Variants in DOCK9 observed in about 807,000 individuals in gnomAD.
DOCK9 encodes dedicator of cytokinesis 9.
In DOCK9, 89 loss-of-function variants were observed where a neutral mutation model predicts 263.3. The observed-to-expected ratio is 0.34, with a 90% CI of 0.28 to 0.40. The LOEUF is 0.40. DOCK9 is among the 10% of genes least tolerant of loss of function. The pLI is 1.00. For missense variants in DOCK9, 2,140 were observed against 2,603.4 expected (o/e 0.82, Z 3.87); for synonymous variants, 976 against 973.1 (o/e 1.00, Z -0.06).
chr13:98,891,816 G>GTTT (rs11450748), intron 15 of DOCK9, among the ~76,000 whole-genome samples: 18 of 147,190 alleles, frequency 1.2e-4, no homozygotes, highest in African/African-American at 2.5e-4. Flanking sequence ...TTTAAAAGTT[G>GTTT]TTTTTTTTTT....
At chr13:98,873,818 G>C (rs772181104) in intron 27 of DOCK9, among the ~76,000 whole-genome samples, 3 of 152,184 alleles carry the variant, frequency 2.0e-5, no homozygotes, top group Non-Finnish European at 4.4e-5. Context: ...TCAGGTCTCT[G>C]TCATAGCCAC....
intron 45 of DOCK9, among the ~76,000 whole-genome samples, chr13:98,814,963 A>C (rs200793803): frequency 0.21 from 16,078 of 77,994 alleles, 1,408 homozygotes; most frequent in East Asian, 0.53. Flanking sequence ...AATAAAATAA[A>C]ATAAAATAAA....
chr13:98,911,777 AAAT>A (rs1436981924), intron 9 of DOCK9, among the ~76,000 whole-genome samples: 1 of 151,950 alleles, frequency 6.6e-6, no homozygotes. Flanking sequence ...GGTGCCACCA[AAAT>A]AATAATGACA....
At chr13:99,030,685 C>T (rs1202028585) in intron 1 of DOCK9, among the ~76,000 whole-genome samples, 7 of 152,152 alleles carry the variant, frequency 4.6e-5, no homozygotes, top group Admixed American at 4.6e-4. Context: ...ACTAATGATG[C>T]CTCATTATAA....
chr13:98,809,994 G>C (rs970793127), intron 46 of DOCK9, among the ~76,000 whole-genome samples, 175 bp downstream of exon 46: 12 of 152,246 alleles, frequency 7.9e-5, no homozygotes, highest in Admixed American at 5.2e-4. Context: ...GGTGATACCC[G>C]ATGACTATTT....
chr13:99,076,983 A>G (rs1186666989), intron 1 of DOCK9, among the ~76,000 whole-genome samples: 1 of 152,194 alleles, frequency 6.6e-6, no homozygotes, highest in East Asian at 1.9e-4. Context: ...TGGCCTGGCA[A>G]CTGAGAGGGG....
chr13:98,800,306 C>T lies in DOCK9; in HGVS notation c.5898G>A (p.Gln1966=). The change falls in exon 50 of 53, where the codon CAG becomes CAA. Residue 1966 remains glutamine (Q), a synonymous_variant. Transcript: ENST00000682017. Reference sequence around the variant, plus strand: ...GGCTCACCTGAACACTCACGCTGCCCTGGAGTTTGAGCTGCAGTTTGATCA... The same window carrying T: ...GGCTCACCTGAACACTCACGCTGCCTTGGAGTTTGAGCTGCAGTTTGATCA... ...VDMIKLQLKL[Q]GSVSVQVNAG... 5 of 1,606,134 alleles carry T rather than the reference C, an allele frequency of 3.1e-6. No individual in the cohort carries two copies. The highest frequency in any genetic ancestry group is 4.3e-6 in the Non-Finnish European group (5 of 1,176,362).
chr13:99,032,334 G>C (rs561336332), intron 1 of DOCK9, among the ~76,000 whole-genome samples: 1 of 152,044 alleles, frequency 6.6e-6, no homozygotes, highest in African/African-American at 2.4e-5. Context: ...AAATTAGCCA[G>C]AAGTGGCGGC....
chr13:99,018,553 C>A (rs1397612611), intron 1 of DOCK9, among the ~76,000 whole-genome samples: 3 of 152,146 alleles, frequency 2.0e-5, no homozygotes, highest in Non-Finnish European at 2.9e-5. Flanking sequence ...AAGTATTAGT[C>A]ATTTTCCAAC....
At chr13:99,007,900 T>C (rs1883635224) in intron 1 of DOCK9, among the ~76,000 whole-genome samples, 1 of 152,192 alleles carries the variant, frequency 6.6e-6, no homozygotes, top group African/African-American at 2.4e-5. Context: ...CCAAATAATC[T>C]TTCTGGAGGG....
chr13:99,002,896 T>C (rs1213953045), intron 1 of DOCK9, among the ~76,000 whole-genome samples: 1 of 152,100 alleles, frequency 6.6e-6, no homozygotes, highest in Non-Finnish European at 1.5e-5. Flanking sequence ...GGCTTCCTCA[T>C]CTATAAAATA....
At position 98,794,684 on chromosome 13, in the gene DOCK9, C is replaced by T; in HGVS notation, c.6221G>A (p.Ser2074Asn). The change falls in exon 53 of 53, where the codon AGT becomes AAT. Residue 2074 changes from serine to asparagine, a missense_variant. Ser to Asn is a conservative substitution (Grantham distance 46). This residue lies in a region of DOCK9 where 619 missense variants were observed against 861.8 expected (regional missense o/e 0.72). Transcript: ENST00000682017. ...PNSLHIFNAI[S>N]GTPTSTMVHG... ...AACCATTGTGCTTGTTGGAGTCCCACTGATGGCGTTGAAGATGTGAAGGGA... is the reference window on the plus strand; with the variant it reads ...AACCATTGTGCTTGTTGGAGTCCCATTGATGGCGTTGAAGATGTGAAGGGA... 6.2e-7 allele frequency: 1 copy of T among 1,613,852 alleles called. No homozygotes were observed. Among genetic ancestry groups the T allele is most frequent in the South Asian group, 1.1e-5 (1 of 91,020 alleles).
chr13:99,013,163 G>C (rs1228708256), intron 1 of DOCK9, among the ~76,000 whole-genome samples: 1 of 152,100 alleles, frequency 6.6e-6, no homozygotes, highest in Non-Finnish European at 1.5e-5. Flanking sequence ...GAGTGCAGTG[G>C]TGCACTCACA....
chr13:99,003,036 AAAG>A (rs1178476586), intron 1 of DOCK9, among the ~76,000 whole-genome samples: 7 of 152,098 alleles, frequency 4.6e-5, no homozygotes, highest in African/African-American at 1.2e-4. Flanking sequence ...AGGGGAGGGG[AAAG>A]AAGAAGAGAA....
chr13:98,905,127 A>G (rs1204427671), intron 9 of DOCK9, among the ~76,000 whole-genome samples: 1 of 152,248 alleles, frequency 6.6e-6, no homozygotes, highest in Non-Finnish European at 1.5e-5. Flanking sequence ...GATGATAGAC[A>G]GGATTTAATA....
At chr13:98,837,273 G>A (rs1012796527) in intron 39 of DOCK9, among the ~76,000 whole-genome samples, 8 of 152,052 alleles carry the variant, frequency 5.3e-5, no homozygotes, top group East Asian at 1.9e-4. Flanking sequence ...ACCCAAGCGC[G>A]CAGCACACAC....
At chr13:98,879,627 G>A (rs2044427325) in intron 27 of DOCK9, among the ~76,000 whole-genome samples, 1 of 152,172 alleles carries the variant, frequency 6.6e-6, no homozygotes, top group Non-Finnish European at 1.5e-5. Flanking sequence ...GGGCCAGACT[G>A]GACTCAAAAC....
chr13:99,027,265 G>A (rs562225924), intron 1 of DOCK9, among the ~76,000 whole-genome samples: 7 of 152,162 alleles, frequency 4.6e-5, no homozygotes, highest in African/African-American at 1.7e-4. Context: ...TGATCCACCA[G>A]CCTCAGCCTC....
At chr13:98,942,244 T>TTTG (rs2056039894) in intron 2 of DOCK9, among the ~76,000 whole-genome samples, 2 of 149,648 alleles carry the variant, frequency 1.3e-5, no homozygotes, top group African/African-American at 2.5e-5. Context: ...TGTTTTTTTT[T>TTTG]TTTGTTTTTT....
Sources: allele counts gnomAD v4.1 joint callset (sites outside exome capture counted in the v4.1 genomes callset), GRCh38; gene constraint gnomAD v4.1.1; regional missense constraint gnomAD v4.1.1; transcripts MANE v1.5; gene names NCBI Gene and HGNC (gene_info 2026-07-23, HGNC 2026-07-21).